BEAN1: variants seen among roughly 807,000 people sequenced by gnomAD.
BEAN1 encodes the protein protein BEAN1.
BEAN1 carries 17 observed loss-of-function variants against 17.7 expected under a neutral mutation model. That is an observed-to-expected ratio of 0.96 (90% confidence interval 0.66 to 1.44). The LOEUF (loss-of-function observed/expected upper bound fraction) is 1.44. Among genes scored for constraint, BEAN1 ranks in the 40% most tolerant of loss-of-function variants. BEAN1 has a pLI of 0.00. For synonymous variants in BEAN1, 142 were observed against 151.8 expected (o/e 0.94, Z 0.47); for missense variants, 359 against 374.1 (o/e 0.96, Z 0.33).
At position 66,481,130 on chromosome 16, in the gene BEAN1, G is replaced by A. The variant is rs770667212; in HGVS notation, c.*205G>A. 2.9e-5 allele frequency: 13 copies of A among 453,270 alleles called. No individual in the cohort carries two copies. Among genetic ancestry groups the A allele is most frequent in the East Asian group, 1.0e-4 (3 of 28,918 alleles). 28.1% of individuals were successfully genotyped at this position (453,270 alleles called of 1,614,324 possible). A position where few individuals can be genotyped will look rare whatever the true frequency, so the allele number is the denominator to read the frequency against. On this transcript the variant is annotated 3_prime_UTR_variant, in exon 5 of 5. Coordinates refer to ENST00000536005, the MANE Select transcript of BEAN1 (RefSeq NM_001178020.3). This position sits in a 1 kb window ranked among gnomAD's most constrained non-coding sequence, Gnocchi z 4.1. ...GTGCTCCACATATGTGTGAATATGC[G>A]CACATACAGGCCTACCACAAACACA...
At chr16:66,449,436 C>T (rs911455972) in intron 2 of BEAN1, among the ~76,000 whole-genome samples, 2 of 151,780 alleles carry the variant, frequency 1.3e-5, no homozygotes, top group Non-Finnish European at 2.9e-5. Context: ...GGAGAAACCC[C>T]GTCTCTACTA....
intron 4 of BEAN1, among the ~76,000 whole-genome samples, chr16:66,490,783 A>G (rs1049954796): frequency 2.0e-5 from 3 of 152,196 alleles, no homozygotes; most frequent in Non-Finnish European, 2.9e-5. Context: ...GGGGACAAAG[A>G]AAGGACAAAT....
At chr16:66,490,780 A>C (rs139877177) in intron 4 of BEAN1, among the ~76,000 whole-genome samples, 33 of 152,316 alleles carry the variant, frequency 2.2e-4, no homozygotes, top group Middle Eastern at 3.4e-3. Context: ...CAGGGGGACA[A>C]AGAAAGGACA....
chr16:66,477,630 GC>G lies in BEAN1; in HGVS notation c.365del (p.Pro122HisfsTer50). ...ATGCCTGCAGCTCCTCAGAGGACTG[GC>G]CCCCACCCTTGGACATCAGCTCTGA... ...RYACSSSEDWPPPLDISSDGD... is the reference protein window; with the variant it reads ...RYACSSSEDWXPPLDISSDGD... On this transcript the variant is annotated frameshift_variant, in exon 4 of 5. Coordinates refer to ENST00000536005, the MANE Select transcript of BEAN1 (RefSeq NM_001178020.3). LOFTEE classifies it high-confidence loss of function. 1 of 1,551,192 alleles carries G rather than the reference GC, an allele frequency of 6.4e-7. No individual in the cohort carries two copies. The highest frequency in any genetic ancestry group is 8.7e-7 in the Non-Finnish European group (1 of 1,146,810).
intron 2 of BEAN1, among the ~76,000 whole-genome samples, chr16:66,463,863 C>T (rs1220611363): frequency 1.3e-5 from 2 of 152,164 alleles, no homozygotes; most frequent in African/African-American, 2.4e-5. Flanking sequence ...GTTGTCCTAA[C>T]ACCATTTGTT....
chr16:66,432,179 C>A lies in BEAN1; in HGVS notation c.-83+4748C>A, dbSNP rs148055921. Among the ~76,000 whole-genome samples the A allele has an allele frequency of 2.8e-4, 42 of 152,320 alleles. 1 individual carries two copies. The East Asian group carries it at 5.2e-3, about 19-fold the overall frequency. ...CCTCAGTGCCTTCTGCCCACCTCTG[C>A]CCACCTCAGTGCTTTCTGCCACTGG... On this transcript the variant is annotated intron_variant, in intron 1 of 4. Coordinates refer to ENST00000536005, the MANE Select transcript of BEAN1 (RefSeq NM_001178020.3).
chr16:66,464,345 T>C lies in BEAN1; in HGVS notation c.26-5257T>C, dbSNP rs576712358. Among the ~76,000 whole-genome samples, 4 of 152,286 alleles carry C rather than the reference T, an allele frequency of 2.6e-5. No homozygotes were observed. The East Asian group carries it at 7.7e-4, about 29-fold the overall frequency. Reference sequence around the variant, plus strand: ...TTTTCAGAATATAAGTTTTGTATTTTTTTTTTTCTTTCTTGAGACAGAGTC... The same window carrying C: ...TTTTCAGAATATAAGTTTTGTATTTCTTTTTTTCTTTCTTGAGACAGAGTC... On this transcript the variant is annotated intron_variant, in intron 2 of 4. Transcript: ENST00000536005.
chr16:66,463,043 T>A (rs918436637), intron 2 of BEAN1, among the ~76,000 whole-genome samples: 1 of 152,190 alleles, frequency 6.6e-6, no homozygotes, highest in African/African-American at 2.4e-5. Context: ...CTCTAAAGGA[T>A]GAGAAAGAGG....
At chr16:66,493,583 G>GCCCTGGC, downstream of BEAN1, 4 of 563,682 alleles carry the variant, frequency 7.1e-6, no homozygotes, top group Non-Finnish European at 1.3e-5. Flanking sequence ...CCCAGGCCCA[G>GCCCTGGC]CCCTGGCCCC....
At chr16:66,452,670 T>C (rs1009150841) in intron 2 of BEAN1, among the ~76,000 whole-genome samples, 2 of 152,210 alleles carry the variant, frequency 1.3e-5, no homozygotes, top group African/African-American at 2.4e-5. Context: ...GGGAAATTTC[T>C]AGACGCTTTT....
intron 2 of BEAN1, among the ~76,000 whole-genome samples, chr16:66,441,547 C>G (rs9673874): frequency 0.69 from 104,684 of 152,054 alleles, 36,500 homozygotes; most frequent in African/African-American, 0.78. Flanking sequence ...AGGAGCCCCA[C>G]CCTGTTCCCA....
chr16:66,480,651 A>G lies in BEAN1; in HGVS notation c.506A>G (p.Tyr169Cys), dbSNP rs1304198016. 2 of 1,551,528 alleles carry G rather than the reference A, an allele frequency of 1.3e-6. No individual in the cohort carries two copies. The highest frequency in any genetic ancestry group is 1.2e-5 in the South Asian group (1 of 84,044). ...GTCCCCACGGACGCACCACCACCCT[A>G]CTCGCTGACTGATTCCTGCCCCACG... Reference protein sequence around the residue: ...LYVPTDAPPPYSLTDSCPTLD... With the variant: ...LYVPTDAPPPCSLTDSCPTLD... The change falls in exon 5 of 5, where the codon TAC (tyrosine) becomes TGC (cysteine). Residue 169 changes from tyrosine (Y) to cysteine (C), a missense_variant. Physicochemically the swap from Tyr to Cys is radical, Grantham distance 194 (BLOSUM62 -2). Transcript: ENST00000536005.
At chr16:66,441,495 T>C (rs761315975) in intron 2 of BEAN1, among the ~76,000 whole-genome samples, 2 of 152,146 alleles carry the variant, frequency 1.3e-5, no homozygotes, top group Non-Finnish European at 2.9e-5. Context: ...GCCAGGTACA[T>C]GTGAAGATAC....
At chr16:66,453,519 C>T (rs977587490) in intron 2 of BEAN1, among the ~76,000 whole-genome samples, 1 of 151,728 alleles carries the variant, frequency 6.6e-6, no homozygotes, top group African/African-American at 2.4e-5. Flanking sequence ...CCACCATACC[C>T]GGCTAACTTT....
rs1336790347 is a variant in BEAN1 at position 66,477,681 on chromosome 16, C to T, written c.411C>T (p.Leu137=). The T allele has an allele frequency of 1.2e-5, 19 of 1,550,074 alleles. No individual in the cohort carries two copies. The highest frequency in any genetic ancestry group is 1.7e-5 in the Non-Finnish European group (19 of 1,146,290). ...SSDGDVDATV[L]RELYPDSPPG... is the part of the protein sequence containing the mutation. The stretch of plus-strand genomic sequence containing the variant: ...ACGGGGACGTGGATGCCACGGTGCT[C>T]AGGGAGCTGTACCCAGATTCTCCAC... Residue 137 remains leucine (L), a synonymous_variant, in exon 4 of 5, where the codon CTC becomes CTT. Transcript: ENST00000536005.
At chr16:66,478,149 A>G (rs1381916329) in intron 4 of BEAN1, 1 of 155,310 alleles carries the variant, frequency 6.4e-6, no homozygotes, top group Non-Finnish European at 1.4e-5. Context: ...GTGTTTCTAT[A>G]AATAACACCA....
At chr16:66,478,392 G>A (rs765719547) in intron 4 of BEAN1, among the ~76,000 whole-genome samples, 14 of 151,820 alleles carry the variant, frequency 9.2e-5, no homozygotes, top group Non-Finnish European at 1.9e-4. Flanking sequence ...CACGAGGTCA[G>A]GAGATCGAGA....
At chr16:66,433,948 C>CT (rs1359551600) in intron 1 of BEAN1, among the ~76,000 whole-genome samples, 1 of 152,238 alleles carries the variant, frequency 6.6e-6, no homozygotes, top group Non-Finnish European at 1.5e-5. Context: ...CTGCCCAACT[C>CT]TGAGTGTCAC....
At chr16:66,442,492 G>A (rs924519217) in intron 2 of BEAN1, among the ~76,000 whole-genome samples, 1 of 152,170 alleles carries the variant, frequency 6.6e-6, no homozygotes, top group African/African-American at 2.4e-5. Flanking sequence ...CCACAGAGAA[G>A]TCAAGTGGGG....
Sources: gnomAD v4.1 joint callset for allele counts (sites outside exome capture counted in the v4.1 genomes callset) on GRCh38, gnomAD v4.1.1 for gene constraint, Gnocchi (gnomAD v3.1) non-coding constraint, MANE v1.5 for transcripts, NCBI Gene and HGNC (gene_info 2026-07-23, HGNC 2026-07-21) for gene names.